PHKA1: variants seen among roughly 807,000 people sequenced by gnomAD.
PHKA1 encodes phosphorylase kinase regulatory subunit alpha 1, also known as phosphorylase b kinase regulatory subunit alpha, skeletal muscle isoform.
PHKA1 carries 60 observed loss-of-function variants against 110.2 expected under a neutral mutation model. That is an observed-to-expected ratio of 0.54 (90% CI 0.44 to 0.68). The LOEUF is 0.68. PHKA1 is among the 30% of genes least tolerant of loss of function. The pLI, the probability that PHKA1 is intolerant of heterozygous loss-of-function variation, is 0.00. For missense variants in PHKA1, 801 were observed against 942.5 expected (o/e 0.85, Z 1.97); for synonymous variants, 316 against 333.6 (o/e 0.95, Z 0.58).
At chrX:72,706,549 T>C (rs782221878) in intron 2 of PHKA1, among the ~76,000 whole-genome samples, 129 of 111,611 alleles carry the variant, frequency 1.2e-3, no homozygotes, top group Non-Finnish European at 2.0e-3. Flanking sequence ...ATATTCTGTC[T>C]TTTCTAAAAG....
Position 72,656,194 on chromosome X carries a change from TTTCAAATAGC to T in PHKA1, c.957_966del (p.Leu320ThrfsTer87). On this transcript the variant is annotated frameshift_variant, in exon 10 of 32. Transcript: ENST00000373542. LOFTEE classifies it high-confidence loss of function. ...AACAATGGCCATTCACACTCAATGT[TTTCAAATAGC>T]TTCAGCTCAGCTGGTTCATAGTACA... The T allele has an allele frequency of 8.3e-7, 1 of 1,210,375 alleles. No homozygotes were observed. Among genetic ancestry groups the T allele is most frequent in the African/African-American group, 1.7e-5 (1 of 57,928 alleles).
intron 2 of PHKA1, among the ~76,000 whole-genome samples, chrX:72,707,384 CCT>C (rs2054300970): frequency 8.9e-6 from 1 of 112,072 alleles, no homozygotes; most frequent in African/African-American, 3.2e-5. Context: ...GACATTCCCA[CCT>C]CTGTGTGTTC....
chrX:72,674,592 G>GA (rs1706599711), intron 6 of PHKA1, among the ~76,000 whole-genome samples: 1 of 111,850 alleles, frequency 8.9e-6, no homozygotes, highest in African/African-American at 3.3e-5. Context: ...TCTTTTGGAT[G>GA]CATAAATGTC....
intron 8 of PHKA1, among the ~76,000 whole-genome samples, chrX:72,663,504 AT>A (rs2053584144): frequency 9.0e-6 from 1 of 111,547 alleles, no homozygotes; most frequent in Admixed American, 9.5e-5. Flanking sequence ...AAAAATATGG[AT>A]ATCCAGATCC....
At chrX:72,604,542 A>G (rs1482801192) in intron 25 of PHKA1, among the ~76,000 whole-genome samples, 2 of 111,997 alleles carry the variant, frequency 1.8e-5, no homozygotes, top group African/African-American at 6.5e-5. Flanking sequence ...CAGCTTGATT[A>G]AAAGTCTTTT....
At chrX:72,634,174 C>T (rs1361755424) in intron 16 of PHKA1, among the ~76,000 whole-genome samples, 6 of 111,953 alleles carry the variant, frequency 5.4e-5, no homozygotes, top group East Asian at 2.8e-4. Flanking sequence ...ATTAGCTTTT[C>T]GTCTCCAATT....
intron 16 of PHKA1, among the ~76,000 whole-genome samples, chrX:72,628,354 G>A (rs908910145): frequency 7.4e-5 from 8 of 108,499 alleles, no homozygotes; most frequent in African/African-American, 2.4e-4. Flanking sequence ...AGAGTTTTTC[G>A]TGTTTTGTGG....
chrX:72,659,014 GT>G (rs782796219), intron 8 of PHKA1, among the ~76,000 whole-genome samples: 1 of 112,013 alleles, frequency 8.9e-6, no homozygotes, highest in Non-Finnish European at 1.9e-5. Context: ...TGAAATAATT[GT>G]TATTCTTGTG....
chrX:72,658,698 G>A (rs1157274785), intron 8 of PHKA1, among the ~76,000 whole-genome samples: 4 of 111,124 alleles, frequency 3.6e-5, no homozygotes, highest in Admixed American at 9.5e-5. Flanking sequence ...AATGCCCCTC[G>A]ATTTGGTTTT....
At chrX:72,687,712 TTGA>T (rs1381768690) in intron 4 of PHKA1, among the ~76,000 whole-genome samples, 1 of 111,910 alleles carries the variant, frequency 8.9e-6, no homozygotes, top group Non-Finnish European at 1.9e-5. Context: ...TTCTCTATTA[TTGA>T]TATTTTAACA....
intron 22 of PHKA1, 136 bp from the exon 23 acceptor site, chrX:72,609,839 G>A (rs1445430502): frequency 2.0e-6 from 1 of 510,219 alleles, no homozygotes; most frequent in African/African-American, 2.3e-5. Context: ...AAAATACCAT[G>A]AAGATCAGAA....
At chrX:72,695,900 AGAAGGATATACT>A in intron 3 of PHKA1, 24 bp from the exon 4 acceptor site, 8 of 1,165,585 alleles carry the variant, frequency 6.9e-6, no homozygotes, top group Non-Finnish European at 9.4e-6. Context: ...AAACATTAAA[AGAAGGATATACT>A]GAAAAATCAA....
At chrX:72,705,052 C>T (rs1603276154) in intron 3 of PHKA1, 146 bp downstream of exon 3, 1 of 430,202 alleles carries the variant, frequency 2.3e-6, no homozygotes, top group Non-Finnish European at 4.3e-6. Context: ...GTGACATTAT[C>T]CCTCTCCAAT....
chrX:72,672,507 C>A (rs2053718792), intron 6 of PHKA1, among the ~76,000 whole-genome samples: 1 of 111,259 alleles, frequency 9.0e-6, no homozygotes, highest in African/African-American at 3.3e-5. Flanking sequence ...AGTGTCTCTT[C>A]CTTTTCTTAT....
At chrX:72,632,249 G>T (rs1440827614) in intron 16 of PHKA1, among the ~76,000 whole-genome samples, 4 of 111,647 alleles carry the variant, frequency 3.6e-5, no homozygotes, top group African/African-American at 1.3e-4. Context: ...TCTGATAGAA[G>T]TATGTTGTTG....
At chrX:72,663,750 A>C (rs1330463446) in intron 8 of PHKA1, among the ~76,000 whole-genome samples, 7 of 109,806 alleles carry the variant, frequency 6.4e-5, no homozygotes, top group African/African-American at 2.3e-4. Context: ...AAAAAAAAAA[A>C]AAACCTGTCA....
intron 14 of PHKA1, among the ~76,000 whole-genome samples, chrX:72,640,360 A>AT (rs1556294572): frequency 9.0e-6 from 1 of 111,606 alleles, no homozygotes; most frequent in Non-Finnish European, 1.9e-5. Context: ...GCAAAAGAAT[A>AT]TAAGGAGACG....
intron 8 of PHKA1, 53 bp from the exon 9 acceptor site, chrX:72,657,694 A>G (rs957134226): frequency 4.9e-5 from 47 of 957,903 alleles, no homozygotes; most frequent in Non-Finnish European, 6.7e-5. Context: ...ACGGCCATGT[A>G]ATTAATCAGA....
chrX:72,674,494 C>T (rs1298716239), intron 6 of PHKA1, among the ~76,000 whole-genome samples: 4 of 111,630 alleles, frequency 3.6e-5, no homozygotes, highest in Non-Finnish European at 7.5e-5. Flanking sequence ...TTAATGATCG[C>T]CATTCTAACT....
Sources: gnomAD v4.1 joint callset for allele counts (sites outside exome capture counted in the v4.1 genomes callset) on GRCh38, gnomAD v4.1.1 for gene constraint, MANE v1.5 for transcripts, NCBI Gene and HGNC (gene_info 2026-07-23, HGNC 2026-07-21) for gene names.